The following MTUS2 variants were observed in gnomAD, a reference collection of about 807,000 sequenced individuals.
The protein encoded by MTUS2 is microtubule-associated tumor suppressor candidate 2.
In MTUS2, 40 loss-of-function variants were observed where a neutral mutation model predicts 114.1. That is an observed-to-expected ratio of 0.35 (90% confidence interval 0.27 to 0.46). The LOEUF (loss-of-function observed/expected upper bound fraction) is 0.46, where lower values mean the gene tolerates loss of function less well. Ranked by LOEUF, MTUS2 falls within the 20% of genes least tolerant of loss-of-function variation. The pLI is 1.00. For synonymous variants in MTUS2, 688 were observed against 672.0 expected, an observed-to-expected ratio of 1.02 and a Z score of -0.37; for missense variants, 1,679 against 1,705.4, an observed-to-expected ratio of 0.98 and a Z score of 0.27.
intron 5 of MTUS2, among the ~76,000 whole-genome samples, chr13:29,198,090 A>G (rs1894778701): frequency 6.6e-6 from 1 of 152,154 alleles, no homozygotes; most frequent in Non-Finnish European, 1.5e-5. Flanking sequence ...CCATCTGTCA[A>G]TTTTGGCTTT....
At chr13:29,062,007 T>C (rs939167799) in intron 4 of MTUS2, among the ~76,000 whole-genome samples, 1 of 152,198 alleles carries the variant, frequency 6.6e-6, no homozygotes, top group Non-Finnish European at 1.5e-5. Flanking sequence ...TTTTTTGAGA[T>C]AGGGTCTCCT....
intron 4 of MTUS2, among the ~76,000 whole-genome samples, chr13:29,097,192 T>TG (rs1404627049): frequency 6.6e-6 from 1 of 152,216 alleles, no homozygotes; most frequent in Non-Finnish European, 1.5e-5. Context: ...GAGTGGATTG[T>TG]GGTTCAAGTG....
At chr13:29,351,406 A>G (rs1869256365) in intron 7 of MTUS2, among the ~76,000 whole-genome samples, 1 of 152,002 alleles carries the variant, frequency 6.6e-6, no homozygotes, top group African/African-American at 2.4e-5. Flanking sequence ...CCAAAACAAA[A>G]CAAGCCATAA....
chr13:29,425,453 CAAAGAAA>C (rs1876443911), intron 8 of MTUS2, among the ~76,000 whole-genome samples: 1 of 151,392 alleles, frequency 6.6e-6, no homozygotes, highest in Non-Finnish European at 1.5e-5. Context: ...AATACTTTAA[CAAAGAAA>C]AAAGAAAGAC....
chr13:29,357,152 C>T (rs1869811655), intron 7 of MTUS2, among the ~76,000 whole-genome samples: 2 of 150,812 alleles, frequency 1.3e-5, no homozygotes, highest in Admixed American at 6.7e-5. Flanking sequence ...TCTCCATTTA[C>T]CATTGAGTAT....
chr13:29,128,501 A>G (rs1434607119), intron 5 of MTUS2, among the ~76,000 whole-genome samples: 1 of 152,194 alleles, frequency 6.6e-6, no homozygotes, highest in Non-Finnish European at 1.5e-5. Flanking sequence ...GTGAGTGCAT[A>G]TACATTAAAT....
chr13:28,908,604 A>G (rs9551560), intron 2 of MTUS2, among the ~76,000 whole-genome samples: 19,663 of 151,020 alleles, frequency 0.13, 1,878 homozygotes, highest in African/African-American at 0.21. Flanking sequence ...ATAAACATAC[A>G]TGTGCATGTG....
intron 8 of MTUS2, among the ~76,000 whole-genome samples, chr13:29,414,991 T>C (rs1875560290): frequency 6.6e-6 from 1 of 151,408 alleles, no homozygotes; most frequent in African/African-American, 2.4e-5. Context: ...GGGGGTTTTT[T>C]TGGTTTGGTT....
chr13:29,383,252 G>GTATATATTTATTTATTTATT (rs1555271591), intron 8 of MTUS2, among the ~76,000 whole-genome samples: 1 of 135,916 alleles, frequency 7.4e-6, no homozygotes, highest in Admixed American at 7.4e-5. Context: ...GTGTGTGTGT[G>GTATATATTTATTTATTTATT]TATTTATTTT....
intron 5 of MTUS2, among the ~76,000 whole-genome samples, chr13:29,177,419 C>T (rs1893819092): frequency 6.6e-6 from 1 of 150,672 alleles, no homozygotes; most frequent in Admixed American, 6.6e-5. Context: ...ATCATAGGCC[C>T]TAAGGCTAGA....
intron 5 of MTUS2, among the ~76,000 whole-genome samples, chr13:29,137,214 T>A (rs1250496170): frequency 6.6e-6 from 1 of 152,208 alleles, no homozygotes; most frequent in African/African-American, 2.4e-5. Context: ...TGATGTGAAA[T>A]CTGCTGATAA....
intron 6 of MTUS2, among the ~76,000 whole-genome samples, chr13:29,302,227 G>T (rs1899235341): frequency 6.6e-6 from 1 of 152,222 alleles, no homozygotes; most frequent in African/African-American, 2.4e-5. Flanking sequence ...AGCTGGGGCT[G>T]CTGACAGCCC....
At chr13:28,955,276 A>G (rs1482709486) in intron 2 of MTUS2, among the ~76,000 whole-genome samples, 10 of 152,224 alleles carry the variant, frequency 6.6e-5, no homozygotes, top group African/African-American at 9.7e-5. Flanking sequence ...AATGCACCCC[A>G]TGCATAATTG....
At chr13:29,448,918 T>C (rs1437683346) in intron 9 of MTUS2, among the ~76,000 whole-genome samples, 1 of 152,014 alleles carries the variant, frequency 6.6e-6, no homozygotes, top group Non-Finnish European at 1.5e-5. Context: ...CACGCCCGGC[T>C]AGTTTTTGTA....
At chr13:29,264,796 G>A (rs964852685) in intron 5 of MTUS2, among the ~76,000 whole-genome samples, 2 of 152,254 alleles carry the variant, frequency 1.3e-5, no homozygotes, top group African/African-American at 4.8e-5. Context: ...GCAGGACCCT[G>A]GGCCTGGCCC....
At chr13:28,985,621 G>A (rs989480934) in intron 2 of MTUS2, among the ~76,000 whole-genome samples, 4 of 149,138 alleles carry the variant, frequency 2.7e-5, no homozygotes, top group Non-Finnish European at 1.5e-5. Context: ...ATTCAGTGCC[G>A]TTGTTTAAGT....
intron 6 of MTUS2, among the ~76,000 whole-genome samples, chr13:29,286,965 G>A (rs1484502109): frequency 1.3e-5 from 2 of 152,170 alleles, no homozygotes; most frequent in African/African-American, 4.8e-5. Context: ...TGGGATTACA[G>A]GCATGAGCCA....
In MTUS2 at chr13:29,480,388, C is replaced by T. The variant is rs926940305; in HGVS notation, c.3399+24C>T. On this transcript the variant is annotated intron_variant, in intron 10 of 15. Transcript: ENST00000612955. This position sits in a 1 kb window ranked among gnomAD's most constrained non-coding sequence, Gnocchi z 4.4. ...AGGTCAGTCTGCAGTGCGGCTCGAGCTCTGCTGTTGGGTGATGCAGGTGGC... is the reference window on the plus strand; with the variant it reads ...AGGTCAGTCTGCAGTGCGGCTCGAGTTCTGCTGTTGGGTGATGCAGGTGGC... The T allele has an allele frequency of 2.0e-6, 3 of 1,494,332 alleles. No homozygotes were observed. Among genetic ancestry groups the T allele is most frequent in the Non-Finnish European group, 1.8e-6 (2 of 1,118,210 alleles). The allele number at this position is 1,494,332 out of a possible 1,614,324, so 92.6% of individuals were successfully genotyped here. A position where few individuals can be genotyped will look rare whatever the true frequency, so the allele number is the denominator to read the frequency against.
At chr13:29,300,908 A>G (rs1222529729) in intron 6 of MTUS2, among the ~76,000 whole-genome samples, 1 of 152,218 alleles carries the variant, frequency 6.6e-6, no homozygotes, top group Non-Finnish European at 1.5e-5. Flanking sequence ...TATTTTTCAC[A>G]GTTCTGGAGG....
Sources: gnomAD v4.1 joint callset for allele counts (sites outside exome capture counted in the v4.1 genomes callset) on GRCh38, gnomAD v4.1.1 for gene constraint, Gnocchi (gnomAD v3.1) non-coding constraint, MANE v1.5 for transcripts, NCBI Gene and HGNC (gene_info 2026-07-23, HGNC 2026-07-21) for gene names.